ANTXR1: variants seen among roughly 807,000 people sequenced by gnomAD.
ANTXR1 encodes ANTXR cell adhesion molecule 1.
ANTXR1 carries 19 observed loss-of-function variants against 78.1 expected under a neutral mutation model. The ratio of observed to expected loss-of-function variants is 0.24; its 90% confidence interval spans 0.17 to 0.36. ANTXR1 has a LOEUF of 0.36. ANTXR1 is among the 10% of genes least tolerant of loss of function. ANTXR1 has a pLI of 1.00. For synonymous variants in ANTXR1, 273 were observed against 260.5 expected (o/e 1.05, Z -0.46); for missense variants, 518 against 718.6 (o/e 0.72, Z 3.19).
chr2:69,018,258 A>AT (rs1172351604), intron 1 of ANTXR1, among the ~76,000 whole-genome samples: 1 of 151,954 alleles, frequency 6.6e-6, no homozygotes, highest in Non-Finnish European at 1.5e-5. Context: ...TCCCCCTGCC[A>AT]TTTCCCTTCT....
At chr2:69,051,930 T>C (rs889445071) in intron 3 of ANTXR1, among the ~76,000 whole-genome samples, 2 of 152,120 alleles carry the variant, frequency 1.3e-5, no homozygotes, top group African/African-American at 2.4e-5. Flanking sequence ...TTGCACTTCC[T>C]GATATATCTT....
At chr2:69,087,404 C>G (rs923121674) in intron 8 of ANTXR1, among the ~76,000 whole-genome samples, 3 of 152,144 alleles carry the variant, frequency 2.0e-5, no homozygotes, top group African/African-American at 4.8e-5. Flanking sequence ...GGAACCTGCC[C>G]AAGGTCACAC....
chr2:69,158,343 C>A (rs1470521510), intron 13 of ANTXR1, among the ~76,000 whole-genome samples: 6 of 152,180 alleles, frequency 3.9e-5, no homozygotes, highest in African/African-American at 1.2e-4. Flanking sequence ...GTTCTCTATA[C>A]AATTCTTCCT....
chr2:69,041,749 G>C (rs74995973), intron 2 of ANTXR1, among the ~76,000 whole-genome samples: 5,940 of 152,234 alleles, frequency 0.039, 304 homozygotes, highest in East Asian at 0.22. Context: ...TTGTGGGCAG[G>C]GGCAAGGGAG....
chr2:69,072,688 G>A (rs1388583583), intron 5 of ANTXR1, among the ~76,000 whole-genome samples: 1 of 152,162 alleles, frequency 6.6e-6, no homozygotes, highest in African/African-American at 2.4e-5. Context: ...TCACAGCTTG[G>A]GCAACAGTTA....
rs1484073428 is a variant in ANTXR1 at position 69,107,930 on chromosome 2, G to A, written c.802+4990G>A. On this transcript the variant is annotated intron_variant, in intron 10 of 17. Transcript: ENST00000303714. ...TCTAATAATAAATCACTATGTAGAGGAATTCACTTTAAAGTTCAGAAGAAA... is the reference window on the plus strand; with the variant it reads ...TCTAATAATAAATCACTATGTAGAGAAATTCACTTTAAAGTTCAGAAGAAA... Among the ~76,000 whole-genome samples the A allele has an allele frequency of 3.9e-5, 6 of 152,088 alleles. 1 individual carries two copies. The South Asian group carries it at 1.2e-3, about 32-fold the overall frequency.
chr2:69,206,473 T>C (rs1220285836), intron 17 of ANTXR1, among the ~76,000 whole-genome samples: 1 of 152,230 alleles, frequency 6.6e-6, no homozygotes, highest in Non-Finnish European at 1.5e-5. Context: ...TGTGTTTCTA[T>C]GCAACAAAAT....
intron 12 of ANTXR1, among the ~76,000 whole-genome samples, chr2:69,149,668 T>C (rs1008343398): frequency 6.6e-6 from 1 of 152,206 alleles, no homozygotes; most frequent in African/African-American, 2.4e-5. Flanking sequence ...TCACCATGTT[T>C]TTTACCCTGG....
chr2:69,159,488 A>T (rs910805607), intron 13 of ANTXR1, among the ~76,000 whole-genome samples: 1 of 152,198 alleles, frequency 6.6e-6, no homozygotes, highest in Non-Finnish European at 1.5e-5. Flanking sequence ...ACACTTAAAA[A>T]TAATTAAGAT....
intron 13 of ANTXR1, among the ~76,000 whole-genome samples, chr2:69,169,273 G>T (rs143207706): frequency 9.3e-4 from 142 of 152,360 alleles, no homozygotes; most frequent in African/African-American, 3.3e-3. Flanking sequence ...ATGAGCTTTG[G>T]ATTTGCCAGA....
chr2:69,136,894 T>G (rs527522182), intron 12 of ANTXR1, among the ~76,000 whole-genome samples: 140 of 152,124 alleles, frequency 9.2e-4, no homozygotes, highest in Non-Finnish European at 1.7e-3. Flanking sequence ...TGCTTGTCAA[T>G]CTGGATGGGA....
chr2:69,188,237 G>T (rs1382667693), intron 16 of ANTXR1, among the ~76,000 whole-genome samples: 1 of 152,100 alleles, frequency 6.6e-6, no homozygotes, highest in Non-Finnish European at 1.5e-5. Context: ...CTCCCAAGTA[G>T]CTGGGACTAC....
chr2:69,168,452 C>G (rs1673891032), intron 13 of ANTXR1, among the ~76,000 whole-genome samples: 1 of 152,204 alleles, frequency 6.6e-6, no homozygotes, highest in Non-Finnish European at 1.5e-5. Flanking sequence ...AACATCTATG[C>G]TGTGCTTAGC....
intron 1 of ANTXR1, among the ~76,000 whole-genome samples, chr2:69,024,166 G>C (rs1191318785): frequency 6.6e-6 from 1 of 152,104 alleles, no homozygotes; most frequent in Admixed American, 6.6e-5. Flanking sequence ...AATGGGAGAG[G>C]AAAGGGTTGC....
chr2:69,123,138 G>A (rs758822724), intron 11 of ANTXR1, 52 bp downstream of exon 11: 9 of 1,570,346 alleles, frequency 5.7e-6, no homozygotes, highest in African/African-American at 1.4e-5. Context: ...GAGAGAGGAG[G>A]TGTACGGGGA....
chr2:69,209,358 T>C (rs1485793317), intron 17 of ANTXR1, among the ~76,000 whole-genome samples: 2 of 152,240 alleles, frequency 1.3e-5, no homozygotes, highest in South Asian at 2.1e-4. Context: ...GTTGTTCCCA[T>C]TCCTGTTTTA....
chr2:69,182,177 A>C (rs1198493996), intron 15 of ANTXR1, among the ~76,000 whole-genome samples: 1 of 152,062 alleles, frequency 6.6e-6, no homozygotes, highest in Non-Finnish European at 1.5e-5. Context: ...CATCAGCTCA[A>C]ACGTCCTCGT....
intron 1 of ANTXR1, among the ~76,000 whole-genome samples, chr2:69,035,796 T>C (rs1184129763): frequency 6.6e-6 from 1 of 152,244 alleles, no homozygotes; most frequent in Non-Finnish European, 1.5e-5. Flanking sequence ...CTCATTTTAT[T>C]TTCTTCTTCA....
intron 16 of ANTXR1, among the ~76,000 whole-genome samples, chr2:69,190,261 G>A (rs1013160111): frequency 3.3e-5 from 5 of 152,200 alleles, no homozygotes; most frequent in African/African-American, 1.2e-4. Flanking sequence ...TTTGGCAGTC[G>A]GGATGCCGTG....
Sources: allele counts gnomAD v4.1 joint callset (sites outside exome capture counted in the v4.1 genomes callset), GRCh38; gene constraint gnomAD v4.1.1; transcripts MANE v1.5; gene names NCBI Gene and HGNC (gene_info 2026-07-23, HGNC 2026-07-21).